CYRIA: variants seen among roughly 807,000 people sequenced by gnomAD.
CYRIA encodes CYFIP-related Rac1 interactor A.
Under a neutral mutation model 43.9 loss-of-function variants are expected in CYRIA, and 15 were observed. That is an observed-to-expected ratio of 0.34 (90% CI 0.23 to 0.53). The LOEUF is 0.53. Among genes scored for constraint, CYRIA ranks in the 20% least tolerant of loss-of-function variants. CYRIA has a pLI of 0.94. For missense variants in CYRIA, 236 were observed against 394.2 expected (o/e 0.60, Z 3.40); for synonymous variants, 117 against 136.0 (o/e 0.86, Z 0.97).
At chr2:16,560,703 T>C (rs185565936) in intron 9 of CYRIA, 2 of 449,112 alleles carry the variant, frequency 4.5e-6, no homozygotes, top group East Asian at 8.3e-5. Flanking sequence ...CTCCATTTGG[T>C]TCTTACAGAT....
intron 2 of CYRIA, among the ~76,000 whole-genome samples, chr2:16,591,421 C>G (rs768111046): frequency 6.6e-6 from 1 of 152,112 alleles, no homozygotes; most frequent in East Asian, 1.9e-4. Flanking sequence ...TAGAGAAGTA[C>G]AGTTTTTTTA....
chr2:16,659,057 GAA>G (rs1670184158), intron 1 of CYRIA, among the ~76,000 whole-genome samples: 3 of 152,212 alleles, frequency 2.0e-5, no homozygotes, highest in Non-Finnish European at 4.4e-5. Context: ...AGGACACCCT[GAA>G]GGACGTCAGC....
intron 3 of CYRIA, among the ~76,000 whole-genome samples, chr2:16,576,585 A>G (rs1428214757): frequency 6.6e-6 from 1 of 152,274 alleles, no homozygotes; most frequent in South Asian, 2.1e-4. Context: ...TGAATCCTGG[A>G]GCACAGGTCG....
chr2:16,588,774 C>G, intron 2 of CYRIA, among the ~76,000 whole-genome samples: 1 of 152,088 alleles, frequency 6.6e-6, no homozygotes, highest in Admixed American at 6.6e-5. Flanking sequence ...GGCTCCCAGG[C>G]AAGTTAGAGG....
intron 1 of CYRIA, among the ~76,000 whole-genome samples, chr2:16,631,028 G>A (rs1384465267): frequency 2.6e-5 from 4 of 152,160 alleles, no homozygotes; most frequent in African/African-American, 4.8e-5. Flanking sequence ...GTCTTGACCC[G>A]GGTCTACCCC....
chr2:16,592,567 G>C (rs2103466373), intron 2 of CYRIA, among the ~76,000 whole-genome samples: 1 of 152,222 alleles, frequency 6.6e-6, no homozygotes, highest in East Asian at 1.9e-4. Flanking sequence ...CTGGTCCTTG[G>C]CATTGGCTGG....
intron 3 of CYRIA, among the ~76,000 whole-genome samples, chr2:16,577,419 T>C (rs2103439801): frequency 6.6e-6 from 1 of 152,312 alleles, no homozygotes; most frequent in South Asian, 2.1e-4. Context: ...AATATTGCGC[T>C]CACCCTAACA....
intron 1 of CYRIA, among the ~76,000 whole-genome samples, chr2:16,664,313 G>A (rs1670337598): frequency 6.6e-6 from 1 of 152,108 alleles, no homozygotes; most frequent in South Asian, 2.1e-4. Context: ...CCCAGCCTGG[G>A]CCCAGCGCCC....
intron 1 of CYRIA, among the ~76,000 whole-genome samples, chr2:16,658,058 T>C (rs935713858): frequency 2.0e-5 from 3 of 152,132 alleles, no homozygotes; most frequent in African/African-American, 2.4e-5. Context: ...AAAAAATACA[T>C]GTTTAAAAAA....
intron 1 of CYRIA, among the ~76,000 whole-genome samples, chr2:16,628,255 C>G (rs191794486): frequency 6.6e-6 from 1 of 152,196 alleles, no homozygotes; most frequent in Non-Finnish European, 1.5e-5. Flanking sequence ...ATGATACCAA[C>G]TCTGAGAGGT....
intron 2 of CYRIA, among the ~76,000 whole-genome samples, chr2:16,619,363 G>C (rs1367672578): frequency 1.3e-5 from 2 of 151,952 alleles, no homozygotes; most frequent in African/African-American, 4.8e-5. Context: ...AAAACCCTCT[G>C]TGTGTGTGTG....
chr2:16,618,207 A>G (rs1668870252), intron 2 of CYRIA, among the ~76,000 whole-genome samples: 1 of 152,226 alleles, frequency 6.6e-6, no homozygotes, highest in Admixed American at 6.5e-5. Flanking sequence ...GCCTCAGTGC[A>G]GGAGCAGGGG....
intron 1 of CYRIA, among the ~76,000 whole-genome samples, chr2:16,649,695 C>T (rs1669918352): frequency 6.6e-6 from 1 of 151,728 alleles, no homozygotes; most frequent in African/African-American, 2.4e-5. Flanking sequence ...CACAGTTGTA[C>T]AGTACAGGAC....
chr2:16,578,565 A>G (rs1377408038), intron 3 of CYRIA, among the ~76,000 whole-genome samples: 1 of 152,198 alleles, frequency 6.6e-6, no homozygotes, highest in Admixed American at 6.5e-5. Flanking sequence ...GTTGGTGCAA[A>G]AGTAATTGCT....
At chr2:16,579,526 T>A (rs1054818129) in intron 3 of CYRIA, among the ~76,000 whole-genome samples, 2 of 152,054 alleles carry the variant, frequency 1.3e-5, no homozygotes, top group Admixed American at 1.3e-4. Flanking sequence ...ATGGCATATA[T>A]AGAAGCAAAA....
At chr2:16,641,890 A>T (rs1669687797) in intron 1 of CYRIA, among the ~76,000 whole-genome samples, 1 of 152,230 alleles carries the variant, frequency 6.6e-6, no homozygotes, top group Non-Finnish European at 1.5e-5. Context: ...TAAACCCATT[A>T]GCAATAATTG....
At chr2:16,604,638 G>A (rs1668327018) in intron 2 of CYRIA, among the ~76,000 whole-genome samples, 1 of 152,194 alleles carries the variant, frequency 6.6e-6, no homozygotes, top group African/African-American at 2.4e-5. Context: ...CTCATCTAAA[G>A]GTACATTTCT....
intron 3 of CYRIA, among the ~76,000 whole-genome samples, chr2:16,571,171 T>C (rs913503989): frequency 2.6e-5 from 4 of 152,218 alleles, no homozygotes; most frequent in African/African-American, 9.6e-5. Context: ...TCAAAGTGTC[T>C]AGAATTTGCA....
At chr2:16,564,392 A>G (rs1392582204) in intron 4 of CYRIA, among the ~76,000 whole-genome samples, 1 of 152,192 alleles carries the variant, frequency 6.6e-6, no homozygotes, top group Admixed American at 6.5e-5. Context: ...CTCCATCACC[A>G]TTAGACTCCT....
Sources: allele counts gnomAD v4.1 joint callset (sites outside exome capture counted in the v4.1 genomes callset), GRCh38; gene constraint gnomAD v4.1.1; transcripts MANE v1.5; gene names NCBI Gene and HGNC (gene_info 2026-07-23, HGNC 2026-07-21).